The following TAOK3 variants were observed in gnomAD, a reference collection of about 807,000 sequenced individuals.
The protein encoded by TAOK3 is serine/threonine-protein kinase TAO3.
TAOK3 carries 40 observed loss-of-function variants against 120.4 expected under a neutral mutation model. The ratio of observed to expected loss-of-function variants is 0.33; its 90% CI spans 0.26 to 0.43. TAOK3 has a LOEUF of 0.43. Among genes scored for constraint, TAOK3 ranks in the 20% least tolerant of loss-of-function variants. TAOK3 has a pLI of 1.00. For missense variants in TAOK3, 821 were observed against 1,112.1 expected (o/e 0.74, Z 3.72); for synonymous variants, 355 against 387.5 (o/e 0.92, Z 0.99).
At chr12:118,222,987 T>A (rs1478181141) in intron 9 of TAOK3, among the ~76,000 whole-genome samples, 1 of 150,628 alleles carries the variant, frequency 6.6e-6, no homozygotes, top group Non-Finnish European at 1.5e-5. Context: ...TTAATTTTAC[T>A]AAGGAAAATG....
intron 16 of TAOK3, 106 bp downstream of exon 16, chr12:118,177,095 T>C: frequency 8.0e-7 from 1 of 1,248,008 alleles, no homozygotes. Flanking sequence ...AATGTAAAGT[T>C]TGAGACTCAC....
intron 19 of TAOK3, among the ~76,000 whole-genome samples, chr12:118,153,728 T>C (rs754062171): frequency 6.6e-6 from 1 of 152,238 alleles, no homozygotes; most frequent in Non-Finnish European, 1.5e-5. Flanking sequence ...TGTTTCCTTA[T>C]TGACCACTTT....
At position 118,363,018 on chromosome 12, in the gene TAOK3, C is replaced by CAAAAAAAAAAAAAA. The variant is rs60475060; in HGVS notation, c.-194+9616_-194+9629dup. Among the ~76,000 whole-genome samples the CAAAAAAAAAAAAAA allele has an allele frequency of 4.2e-3, 194 of 45,884 alleles. 3 individuals carry two copies. Among genetic ancestry groups the CAAAAAAAAAAAAAA allele is most frequent in the Non-Finnish European group, 5.1e-3 (131 of 25,820 alleles). The allele number at this position is 45,884 out of a possible 152,430, so 30.1% of individuals were successfully genotyped here. ...TGGGCAACAGAGAAAGACTCCGTAT[C>CAAAAAAAAAAAAAA]AAAAAAAAAAAAAAAAAAAAAAAAA... On this transcript the variant is annotated intron_variant, in intron 1 of 20. Transcript: ENST00000392533.
intron 1 of TAOK3, among the ~76,000 whole-genome samples, chr12:118,366,092 C>T (rs1246569397): frequency 6.6e-6 from 1 of 151,902 alleles, no homozygotes. Flanking sequence ...GGCGAAACCC[C>T]GTCTCTACTA....
At chr12:118,172,742 A>G in intron 16 of TAOK3, 82 bp from the exon 17 acceptor site, 1 of 1,273,634 alleles carries the variant, frequency 7.9e-7, no homozygotes, top group Non-Finnish European at 1.1e-6. Flanking sequence ...AGATTAAGTT[A>G]TTTGGAAAGC....
chr12:118,242,884 T>A (rs570339611), intron 5 of TAOK3, among the ~76,000 whole-genome samples: 41 of 137,456 alleles, frequency 3.0e-4, no homozygotes, highest in East Asian at 1.6e-3. Flanking sequence ...ACAAACAAAA[T>A]ATATATATAT....
At chr12:118,182,623 A>ATATATATATATATATATATTT (rs371125415) in intron 14 of TAOK3, among the ~76,000 whole-genome samples, 1 of 92,416 alleles carries the variant, frequency 1.1e-5, no homozygotes, top group Non-Finnish European at 2.0e-5. Flanking sequence ...ATATATATAT[A>ATATATATATATATATATATTT]TTTTTTTTTT....
chr12:118,246,052 A>G, intron 3 of TAOK3: 4 of 873,120 alleles, frequency 4.6e-6, no homozygotes, highest in Non-Finnish European at 6.8e-6. Context: ...AAAAATTATA[A>G]AAGAATTGCT....
At chr12:118,363,018 C>CAAAAAAAAAAAAA (rs60475060) in intron 1 of TAOK3, among the ~76,000 whole-genome samples, 105 of 45,882 alleles carry the variant, frequency 2.3e-3, no homozygotes, top group African/African-American at 2.7e-3. Context: ...GACTCCGTAT[C>CAAAAAAAAAAAAA]AAAAAAAAAA....
chr12:118,197,256 C>T (rs919688482), intron 13 of TAOK3, among the ~76,000 whole-genome samples: 1 of 152,056 alleles, frequency 6.6e-6, no homozygotes, highest in Non-Finnish European at 1.5e-5. Context: ...CTATATATTT[C>T]ATGATAAAAT....
chr12:118,232,268 GGA>G (rs757200478), intron 9 of TAOK3, among the ~76,000 whole-genome samples: 7 of 152,198 alleles, frequency 4.6e-5, no homozygotes, highest in Non-Finnish European at 1.0e-4. Context: ...TACAACCAAA[GGA>G]GAGATTCTGT....
rs189374394 is a variant in TAOK3, at chr12:118,192,263, A to T, written c.1195-2322T>A. Among the ~76,000 whole-genome samples the T allele has an allele frequency of 4.6e-5, 7 of 152,340 alleles. No individual in the cohort carries two copies. In the East Asian group the frequency reaches 1.3e-3, roughly 29 times the overall value. On this transcript the variant is annotated intron_variant, in intron 13 of 20. Coordinates refer to ENST00000392533, the MANE Select transcript of TAOK3 (RefSeq NM_016281.4). ...CTTGAAATGACATTGATTTTAGTTG[A>T]CACATATGTAATTAAGTAACTCAAG...
chr12:118,349,270 C>T (rs1158694711), intron 1 of TAOK3, among the ~76,000 whole-genome samples: 1 of 151,782 alleles, frequency 6.6e-6, no homozygotes, highest in Non-Finnish European at 1.5e-5. Context: ...AGGTATATAC[C>T]CAAGAGAATG....
At chr12:118,224,335 C>A (rs1354560146) in intron 9 of TAOK3, among the ~76,000 whole-genome samples, 1 of 152,160 alleles carries the variant, frequency 6.6e-6, no homozygotes, top group Non-Finnish European at 1.5e-5. Context: ...CCCCTTCTCC[C>A]CAACAACGAT....
intron 1 of TAOK3, among the ~76,000 whole-genome samples, chr12:118,332,993 C>T (rs1162964514): frequency 6.6e-6 from 1 of 152,074 alleles, no homozygotes; most frequent in Admixed American, 6.6e-5. Context: ...CACACACACA[C>T]ACAGATAGAG....
At chr12:118,228,036 T>C (rs946778141) in intron 9 of TAOK3, among the ~76,000 whole-genome samples, 3 of 152,152 alleles carry the variant, frequency 2.0e-5, no homozygotes, top group African/African-American at 4.8e-5. Flanking sequence ...AGGTCCTTTT[T>C]CTTCTAAAAA....
At chr12:118,209,291 A>G (rs1260243605) in intron 11 of TAOK3, among the ~76,000 whole-genome samples, 1 of 152,238 alleles carries the variant, frequency 6.6e-6, no homozygotes, top group African/African-American at 2.4e-5. Context: ...AAATAAAAAC[A>G]ACATTTACTT....
Position 118,244,889 on chromosome 12 carries a change from C to G in TAOK3, c.192+5G>C. 1 of 1,599,292 alleles carries G rather than the reference C, an allele frequency of 6.3e-7. No homozygotes were observed. ...AGTTTAGGTATACAACTGTCTCTATCTCACCTCATGGGTCTGCTTCCCACT... is the reference window on the plus strand; with the variant it reads ...AGTTTAGGTATACAACTGTCTCTATGTCACCTCATGGGTCTGCTTCCCACT... On this transcript the variant is annotated splice_donor_5th_base_variant and intron_variant, in intron 4 of 20. Coordinates refer to ENST00000392533, the MANE Select transcript of TAOK3 (RefSeq NM_016281.4).
intron 7 of TAOK3, chr12:118,236,272 G>C (rs1430769281): frequency 1.3e-5 from 2 of 152,210 alleles, no homozygotes; most frequent in Admixed American, 6.5e-5. Flanking sequence ...AAATAACTCT[G>C]TACAGTAAAA....
Sources: allele counts gnomAD v4.1 joint callset (sites outside exome capture counted in the v4.1 genomes callset), GRCh38; gene constraint gnomAD v4.1.1; transcripts MANE v1.5; gene names NCBI Gene and HGNC (gene_info 2026-07-23, HGNC 2026-07-21).